Variants in CEP85L observed in about 807,000 individuals in gnomAD.
CEP85L encodes centrosomal protein of 85 kDa-like.
CEP85L carries 60 observed loss-of-function variants against 100.3 expected under a neutral mutation model. The ratio of observed to expected loss-of-function variants is 0.60; its 90% CI spans 0.49 to 0.74. The LOEUF is 0.74. Among genes scored for constraint, CEP85L ranks in the 30% least tolerant of loss-of-function variants. The pLI is 0.00. For synonymous variants in CEP85L, 319 were observed against 322.7 expected (o/e 0.99, Z 0.12); for missense variants, 973 against 936.2 (o/e 1.04, Z -0.51).
At chr6:118,493,875 C>T (rs1227683262) in intron 5 of CEP85L, among the ~76,000 whole-genome samples, 1 of 152,016 alleles carries the variant, frequency 6.6e-6, no homozygotes, top group East Asian at 1.9e-4. Flanking sequence ...ATATGGAACT[C>T]AGGAAGATGG....
At chr6:118,504,901 G>A (rs1037948227) in intron 5 of CEP85L, among the ~76,000 whole-genome samples, 1 of 152,080 alleles carries the variant, frequency 6.6e-6, no homozygotes, top group African/African-American at 2.4e-5. Flanking sequence ...CCATACATGT[G>A]GTGCAGAAGT....
chr6:118,483,995 A>G (rs1773988802), intron 6 of CEP85L, 137 bp from the exon 7 acceptor site: 1 of 717,898 alleles, frequency 1.4e-6, no homozygotes, highest in African/African-American at 1.8e-5. Flanking sequence ...AACTCAATTA[A>G]GATTTACCTT....
intron 3 of CEP85L, among the ~76,000 whole-genome samples, chr6:118,527,002 C>CTTTTTTTTTTTTTTTTTTTTTTTTT (rs764883723): frequency 1.0e-5 from 1 of 98,710 alleles, no homozygotes; most frequent in Non-Finnish European, 1.9e-5. Flanking sequence ...TTTACTTTTT[C>CTTTTTTTTTTTTTTTTTTTTTTTTT]TTTTTTTTTT....
intron 2 of CEP85L, among the ~76,000 whole-genome samples, chr6:118,595,369 T>C (rs10457340): frequency 0.029 from 4,405 of 152,286 alleles, 107 homozygotes; most frequent in African/African-American, 0.056. Context: ...TGTTAGTGTC[T>C]CAATTTAGCA....
In CEP85L at chr6:118,508,053, G is replaced by A. The variant is rs117345730; in HGVS notation, c.1257+3245C>T. 8.5e-4 allele frequency among the ~76,000 whole-genome samples: 129 copies of A among 152,078 alleles called. 1 individual carries two copies. The highest frequency in any genetic ancestry group is 1.1e-3 in the Non-Finnish European group (74 of 67,966). On this transcript the variant is annotated intron_variant, in intron 5 of 12. Coordinates refer to ENST00000368491, the MANE Select transcript of CEP85L (RefSeq NM_001042475.3). ...AAGGAAATGGATAAATATATTTTTT[G>A]GTATACTCTCTCTGTAGGGTTTAAG...
At chr6:118,465,757 A>G (rs1772470731) in intron 12 of CEP85L, among the ~76,000 whole-genome samples, 189 bp from the exon 13 acceptor site, 1 of 152,164 alleles carries the variant, frequency 6.6e-6, no homozygotes, top group African/African-American at 2.4e-5. Context: ...TCCTTTATAA[A>G]TTTCACAAAT....
chr6:118,694,336 C>A (rs1338847769), intron 1 of CEP85L, among the ~76,000 whole-genome samples: 1 of 151,954 alleles, frequency 6.6e-6, no homozygotes, highest in Non-Finnish European at 1.5e-5. Context: ...ATTACCACCA[C>A]TTAATATAAA....
chr6:118,480,024 TA>T, intron 9 of CEP85L, 103 bp from the exon 10 acceptor site: 1 of 679,466 alleles, frequency 1.5e-6, no homozygotes, highest in Non-Finnish European at 2.4e-6. Flanking sequence ...ATTTATTTTT[TA>T]AAAGGGTCTT....
chr6:118,505,711 A>G (rs1225996839), intron 5 of CEP85L, among the ~76,000 whole-genome samples: 1 of 152,232 alleles, frequency 6.6e-6, no homozygotes, highest in East Asian at 1.9e-4. Context: ...AGAGACCATA[A>G]CAAGTTCAGT....
intron 1 of CEP85L, among the ~76,000 whole-genome samples, chr6:118,699,281 C>G (rs1238670323): frequency 1.3e-5 from 2 of 151,556 alleles, no homozygotes; most frequent in East Asian, 3.9e-4. Flanking sequence ...AGCAAGACCC[C>G]CATCTCTATA....
chr6:118,543,617 C>T (rs1215535326), intron 3 of CEP85L, among the ~76,000 whole-genome samples: 1 of 152,168 alleles, frequency 6.6e-6, no homozygotes, highest in Non-Finnish European at 1.5e-5. Context: ...CTTCTCCCCA[C>T]CTACTTCTGA....
intron 1 of CEP85L, among the ~76,000 whole-genome samples, chr6:118,685,478 C>G (rs549962285): frequency 6.6e-6 from 1 of 152,240 alleles, no homozygotes; most frequent in Non-Finnish European, 1.5e-5. Flanking sequence ...ATCAAATATT[C>G]TAGCTCACAA....
At chr6:118,699,690 C>CTAT (rs1554247636) in intron 1 of CEP85L, among the ~76,000 whole-genome samples, 3 of 151,720 alleles carry the variant, frequency 2.0e-5, no homozygotes, top group South Asian at 4.2e-4. Context: ...ATTATTACTA[C>CTAT]TATTATTATT....
chr6:118,561,774 T>C (rs1779238138), intron 3 of CEP85L, among the ~76,000 whole-genome samples: 1 of 152,186 alleles, frequency 6.6e-6, no homozygotes, highest in South Asian at 2.1e-4. Flanking sequence ...GCTCTAATTA[T>C]AGTTTTAATT....
intron 1 of CEP85L, among the ~76,000 whole-genome samples, chr6:118,658,661 A>C (rs1775874796): frequency 6.6e-6 from 1 of 152,166 alleles, no homozygotes; most frequent in Admixed American, 6.5e-5. Flanking sequence ...ATAATTACGA[A>C]ATTATGATTG....
At chr6:118,600,298 G>GGGT (rs1781673677) in intron 2 of CEP85L, among the ~76,000 whole-genome samples, 1 of 59,152 alleles carries the variant, frequency 1.7e-5, no homozygotes, top group African/African-American at 5.8e-5. Flanking sequence ...AGCCTTCCTG[G>GGGT]GGGTGTGTGT....
chr6:118,617,987 TG>T (rs1196550932), intron 2 of CEP85L, among the ~76,000 whole-genome samples: 1 of 152,184 alleles, frequency 6.6e-6, no homozygotes, highest in Non-Finnish European at 1.5e-5. Flanking sequence ...AGTGTCAGCC[TG>T]GGAAAGGGCT....
intron 2 of CEP85L, 41 bp from the exon 3 acceptor site, chr6:118,566,357 G>A (rs1779506793): frequency 6.7e-7 from 1 of 1,491,550 alleles, no homozygotes; most frequent in African/African-American, 1.4e-5. Context: ...ACAATTAACA[G>A]ACAAAAGAGA....
chr6:118,651,052 G>T, intron 1 of CEP85L, 145 bp downstream of exon 1: 2 of 1,266,164 alleles, frequency 1.6e-6, no homozygotes, highest in Non-Finnish European at 2.0e-6. Flanking sequence ...TGCTGACAGC[G>T]GGGAGGACAC....
Sources: allele counts gnomAD v4.1 joint callset (sites outside exome capture counted in the v4.1 genomes callset), GRCh38; gene constraint gnomAD v4.1.1; transcripts MANE v1.5; gene names NCBI Gene and HGNC (gene_info 2026-07-23, HGNC 2026-07-21).